ITPR2: variants seen among roughly 807,000 people sequenced by gnomAD.
ITPR2 encodes inositol 1,4,5-trisphosphate receptor type 2, also known as inositol 1,4,5-trisphosphate-gated calcium channel ITPR2.
In ITPR2, 207 loss-of-function variants were observed where a neutral mutation model predicts 317.1. That is an observed-to-expected ratio of 0.65 (90% CI 0.58 to 0.73). ITPR2 has a LOEUF of 0.73. ITPR2 is among the 30% of genes least tolerant of loss of function. ITPR2 has a pLI of 0.00. For synonymous variants in ITPR2, 1,156 were observed against 1,149.1 expected, an observed-to-expected ratio of 1.01 and a Z score of -0.12; for missense variants, 2,613 against 3,284.0, an observed-to-expected ratio of 0.80 and a Z score of 4.99.
chr12:26,516,265 A>AGGAAGGGAAG (rs1565574476), intron 37 of ITPR2, among the ~76,000 whole-genome samples: 2 of 34,452 alleles, frequency 5.8e-5, no homozygotes, highest in Non-Finnish European at 1.4e-4. Context: ...AGGAAAGGAA[A>AGGAAGGGAAG]GGAAAGGAAG....
chr12:26,587,917 G>A (rs1017979365), intron 32 of ITPR2, among the ~76,000 whole-genome samples: 36 of 152,334 alleles, frequency 2.4e-4, no homozygotes, highest in African/African-American at 8.4e-4. Context: ...GTGTTCAGGA[G>A]TAGTCAAATT....
At chr12:26,450,301 C>A (rs1405594964) in intron 45 of ITPR2, among the ~76,000 whole-genome samples, 2 of 152,170 alleles carry the variant, frequency 1.3e-5, no homozygotes, top group African/African-American at 2.4e-5. Flanking sequence ...CACCAAGGAA[C>A]TTTTCTCTTG....
chr12:26,440,106 T>G (rs2136730459), intron 46 of ITPR2, among the ~76,000 whole-genome samples: 1 of 152,266 alleles, frequency 6.6e-6, no homozygotes, highest in South Asian at 2.1e-4. Flanking sequence ...GGTGTGGTGG[T>G]GGTCATGGAC....
chr12:26,610,767 TC>T (rs1433681267), intron 26 of ITPR2, among the ~76,000 whole-genome samples: 1 of 152,206 alleles, frequency 6.6e-6, no homozygotes, highest in Non-Finnish European at 1.5e-5. Context: ...AGGAATAGCA[TC>T]CCTCATGCCC....
chr12:26,525,529 C>T (rs1332176426), intron 37 of ITPR2, among the ~76,000 whole-genome samples: 12 of 152,344 alleles, frequency 7.9e-5, no homozygotes, highest in South Asian at 2.1e-4. Context: ...AGTTGACTGA[C>T]TGTAAGGTGA....
At chr12:26,593,262 C>G (rs1264786440) in intron 32 of ITPR2, among the ~76,000 whole-genome samples, 5 of 152,194 alleles carry the variant, frequency 3.3e-5, no homozygotes, top group African/African-American at 1.2e-4. Context: ...ATTAGAAATT[C>G]TGGGGACAAG....
chr12:26,390,950 G>A (rs1200055067), intron 54 of ITPR2, among the ~76,000 whole-genome samples: 1 of 152,160 alleles, frequency 6.6e-6, no homozygotes, highest in Non-Finnish European at 1.5e-5. Flanking sequence ...TACGGTAGAG[G>A]AAACAGGCAC....
intron 2 of ITPR2, among the ~76,000 whole-genome samples, chr12:26,767,205 T>C (rs1184540796): frequency 5.3e-5 from 8 of 152,190 alleles, no homozygotes. Flanking sequence ...CATCAAGTAC[T>C]GCAGTTCAAA....
chr12:26,732,383 G>T (rs879273045), intron 2 of ITPR2, among the ~76,000 whole-genome samples: 2 of 152,102 alleles, frequency 1.3e-5, no homozygotes, highest in Admixed American at 1.3e-4. Flanking sequence ...TTCCAGATTA[G>T]AATATTATAA....
In ITPR2 at chr12:26,686,536, A is replaced by G. The variant is rs917531305; in HGVS notation, c.1093T>C (p.Ser365Pro). The change falls in exon 11 of 57, where the codon TCC (serine) becomes CCC (proline). Residue 365 changes from serine to proline, a missense_variant. Physicochemically the swap from Ser to Pro is moderately conservative, Grantham distance 74. Coordinates refer to ENST00000381340, the MANE Select transcript of ITPR2 (RefSeq NM_002223.4). The stretch of plus-strand genomic sequence containing the variant: ...GTTGTGGCATCTAGTTCAAAAAGGG[A>G]TGCAATGTCATTGCCATGCGGGACT... ...VSVPHGNDIA[S>P]LFELDATTLQ... 1.9e-6 allele frequency: 3 copies of G among 1,612,162 alleles called. No individual in the cohort carries two copies. In the African/African-American group the frequency reaches 4.0e-5, roughly 22 times the overall value.
intron 22 of ITPR2, among the ~76,000 whole-genome samples, chr12:26,631,441 T>C (rs1328094632): frequency 6.6e-6 from 1 of 152,232 alleles, no homozygotes; most frequent in East Asian, 1.9e-4. Flanking sequence ...TTTGTCTTTC[T>C]TGCTAAAACA....
intron 2 of ITPR2, among the ~76,000 whole-genome samples, chr12:26,727,833 T>TC (rs1421298195): frequency 1.3e-5 from 2 of 152,012 alleles, no homozygotes; most frequent in Non-Finnish European, 2.9e-5. Flanking sequence ...AGAAAAGACT[T>TC]CCCCACGGAG....
intron 35 of ITPR2, among the ~76,000 whole-genome samples, chr12:26,557,604 A>C (rs936738597): frequency 3.3e-5 from 5 of 152,210 alleles, no homozygotes; most frequent in African/African-American, 9.6e-5. Context: ...ATCAAGCTGA[A>C]TGCCTACAGA....
intron 2 of ITPR2, among the ~76,000 whole-genome samples, chr12:26,775,713 A>G (rs2137164037): frequency 6.6e-6 from 1 of 152,112 alleles, no homozygotes; most frequent in East Asian, 1.9e-4. Flanking sequence ...CAGCACAGCT[A>G]GAATATAAAG....
At chr12:26,631,723 GGT>G in intron 22 of ITPR2, 141 bp downstream of exon 22, 1 of 668,332 alleles carries the variant, frequency 1.5e-6, no homozygotes. Flanking sequence ...TTTTTTACCA[GGT>G]TTGTCATTAA....
intron 13 of ITPR2, 111 bp from the exon 14 acceptor site, chr12:26,666,162 A>ATAGATAGATAGATAGATAAATAGAT (rs34107444): frequency 2.6e-6 from 1 of 391,176 alleles, no homozygotes; most frequent in Non-Finnish European, 4.4e-6. Context: ...AGATAGATAG[A>ATAGATAGATAGATAGATAAATAGAT]TTTTTTTTTA....
At chr12:26,355,328 C>G (rs1457121897) in intron 55 of ITPR2, among the ~76,000 whole-genome samples, 1 of 152,160 alleles carries the variant, frequency 6.6e-6, no homozygotes, top group Non-Finnish European at 1.5e-5. Flanking sequence ...GAGACAAGGA[C>G]ATTAGGTGAA....
rs1290335179 is a variant in ITPR2, at chr12:26,663,772, C to T, written c.1626G>A (p.Gly542=). The change falls in exon 15 of 57, where the codon GGG becomes GGA. Residue 542 remains glycine (G), a synonymous_variant. Transcript: ENST00000381340. The part of the protein sequence containing the change: ...EGSMLRLEDL[G]DQRYAPYKYM... ...ACTTGTAGGGTGCATATCTTTGATC[C>T]CCCAGATCTTCAAGTCTCAGCATCG... The T allele has an allele frequency of 2.5e-6, 4 of 1,613,944 alleles. No individual in the cohort carries two copies. The highest frequency in any genetic ancestry group is 1.1e-5 in the South Asian group (1 of 91,058).
At chr12:26,634,603 A>G (rs1591983260) in intron 21 of ITPR2, among the ~76,000 whole-genome samples, 1 of 152,258 alleles carries the variant, frequency 6.6e-6, no homozygotes, top group South Asian at 2.1e-4. Flanking sequence ...AAGGAAGGAA[A>G]CGCCAGGCAC....
Sources: gnomAD v4.1 joint callset for allele counts (sites outside exome capture counted in the v4.1 genomes callset) on GRCh38, gnomAD v4.1.1 for gene constraint, MANE v1.5 for transcripts, NCBI Gene and HGNC (gene_info 2026-07-23, HGNC 2026-07-21) for gene names.